ADAMTS17: variants seen among roughly 807,000 people sequenced by gnomAD.
ADAMTS17 encodes the protein A disintegrin and metalloproteinase with thrombospondin motifs 17.
In ADAMTS17, 113 loss-of-function variants were observed where a neutral mutation model predicts 141.5. That is an observed-to-expected ratio of 0.80 (90% confidence interval 0.69 to 0.93). The LOEUF (loss-of-function observed/expected upper bound fraction) is 0.93. ADAMTS17 is among the 40% of genes least tolerant of loss of function. The pLI, the probability that ADAMTS17 is intolerant of heterozygous loss-of-function variation, is 0.00. For missense variants in ADAMTS17, 1,659 were observed against 1,517.9 expected, an observed-to-expected ratio of 1.09 and a Z score of -1.54; for synonymous variants, 768 against 630.6, an observed-to-expected ratio of 1.22 and a Z score of -3.27.
intron 18 of ADAMTS17, among the ~76,000 whole-genome samples, chr15:100,001,122 G>A (rs183503679): frequency 9.9e-5 from 15 of 152,260 alleles, no homozygotes; most frequent in African/African-American, 3.6e-4. Flanking sequence ...CTGAGCATCA[G>A]CCAGGTTCAC....
intron 7 of ADAMTS17, among the ~76,000 whole-genome samples, chr15:100,207,523 C>T (rs1010997455): frequency 1.3e-5 from 2 of 152,196 alleles, no homozygotes; most frequent in African/African-American, 4.8e-5. Flanking sequence ...AGCACTGCAG[C>T]CACCTAATGC....
intron 13 of ADAMTS17, among the ~76,000 whole-genome samples, chr15:100,113,142 A>T (rs115745426): frequency 2.3e-3 from 350 of 152,250 alleles, no homozygotes; most frequent in African/African-American, 8.0e-3. Flanking sequence ...GGATTTTACC[A>T]GCAGTGAGCA....
At chr15:100,139,138 C>T (rs546265513) in intron 10 of ADAMTS17, among the ~76,000 whole-genome samples, 3 of 151,974 alleles carry the variant, frequency 2.0e-5, no homozygotes, top group African/African-American at 7.2e-5. Flanking sequence ...TGGGGGGAAA[C>T]TAGATGAACC....
At chr15:99,995,261 T>C (rs2060776334) in intron 19 of ADAMTS17, among the ~76,000 whole-genome samples, 1 of 152,220 alleles carries the variant, frequency 6.6e-6, no homozygotes, top group African/African-American at 2.4e-5. Flanking sequence ...TCCACACAAC[T>C]TGCTCCTCTG....
rs1200188475 is a variant in ADAMTS17, at chr15:100,308,852, G to A, written c.616+22037C>T. On this transcript the variant is annotated intron_variant, in intron 3 of 21. Coordinates refer to ENST00000268070, the MANE Select transcript of ADAMTS17 (RefSeq NM_139057.4). ...ACAACTGGGCATATCTTGGGGTTTCGTGCCCTGGTCAGATGAGGTGAGAAA... is the reference window on the plus strand; with the variant it reads ...ACAACTGGGCATATCTTGGGGTTTCATGCCCTGGTCAGATGAGGTGAGAAA... 2.6e-5 allele frequency among the ~76,000 whole-genome samples: 4 copies of A among 152,112 alleles called. No individual in the cohort carries two copies. In the South Asian group the frequency reaches 6.2e-4, roughly 24 times the overall value.
At chr15:100,162,169 C>T (rs1181205856) in intron 8 of ADAMTS17, among the ~76,000 whole-genome samples, 1 of 152,048 alleles carries the variant, frequency 6.6e-6, no homozygotes, top group Non-Finnish European at 1.5e-5. Flanking sequence ...CACACAGCCT[C>T]TCTAAGCTAA....
At chr15:100,224,331 G>A (rs998871418) in intron 7 of ADAMTS17, among the ~76,000 whole-genome samples, 3 of 152,148 alleles carry the variant, frequency 2.0e-5, no homozygotes, top group African/African-American at 7.2e-5. Context: ...GGGGGGTACA[G>A]ATATACCAGG....
chr15:100,233,098 G>C (rs1397986243), intron 7 of ADAMTS17, among the ~76,000 whole-genome samples: 2 of 152,204 alleles, frequency 1.3e-5, no homozygotes, highest in African/African-American at 4.8e-5. Flanking sequence ...GGAGGCTAAG[G>C]ATGGTGGATC....
Position 100,276,579 on chromosome 15 carries a change from A to G in ADAMTS17, c.789+4650T>C, listed in dbSNP as rs144482058. Among the ~76,000 whole-genome samples, 253 of 151,856 alleles carry G rather than the reference A, an allele frequency of 1.7e-3. 2 individuals are homozygous for G. Among genetic ancestry groups the G allele is most frequent in the African/African-American group, 5.9e-3 (243 of 41,326 alleles). ...AATCATGCTATTTCCCACAACTCGG[A>G]GAGAAATGTGTTGGAATGAAGGTGG... is the stretch of plus-strand genomic sequence containing the variant. On this transcript the variant is annotated intron_variant, in intron 4 of 21. Transcript: ENST00000268070.
At chr15:99,988,922 G>T (rs2060641486) in intron 20 of ADAMTS17, among the ~76,000 whole-genome samples, 1 of 152,166 alleles carries the variant, frequency 6.6e-6, no homozygotes, top group Non-Finnish European at 1.5e-5. Context: ...TCATGTTTTG[G>T]TTGTTTTGCA....
intron 21 of ADAMTS17, among the ~76,000 whole-genome samples, chr15:99,975,673 T>C (rs2060307471): frequency 6.6e-6 from 1 of 152,184 alleles, no homozygotes; most frequent in Non-Finnish European, 1.5e-5. Flanking sequence ...GTGTGCCCCA[T>C]GTGTGCATCC....
chr15:100,265,787 G>A (rs1160434787), intron 4 of ADAMTS17, among the ~76,000 whole-genome samples: 2 of 152,236 alleles, frequency 1.3e-5, no homozygotes, highest in East Asian at 3.8e-4. Context: ...GCTATGCTCT[G>A]TAGCACAGTG....
intron 3 of ADAMTS17, 65 bp from the exon 4 acceptor site, chr15:100,281,466 C>T: frequency 1.9e-6 from 3 of 1,560,078 alleles, no homozygotes; most frequent in Non-Finnish European, 2.6e-6. Context: ...ATGCAGTGAA[C>T]AGGCCTTCTG....
intron 7 of ADAMTS17, among the ~76,000 whole-genome samples, chr15:100,223,977 C>T (rs1219956935): frequency 6.6e-6 from 1 of 152,130 alleles, no homozygotes; most frequent in African/African-American, 2.4e-5. Context: ...AAGCATCCAG[C>T]ATGGGAGAAA....
At chr15:100,130,837 C>G (rs961659385) in intron 12 of ADAMTS17, among the ~76,000 whole-genome samples, 1 of 152,094 alleles carries the variant, frequency 6.6e-6, no homozygotes, top group African/African-American at 2.4e-5. Context: ...AAATGGGAAG[C>G]TTCATTTGAC....
chr15:100,225,945 C>A (rs1651318645), intron 7 of ADAMTS17, among the ~76,000 whole-genome samples: 1 of 144,974 alleles, frequency 6.9e-6, no homozygotes, highest in African/African-American at 2.5e-5. Context: ...CTGTGCCATT[C>A]AGTCCTTATA....
intron 7 of ADAMTS17, among the ~76,000 whole-genome samples, chr15:100,211,285 G>C (rs1256643768): frequency 1.1e-5 from 1 of 89,040 alleles, no homozygotes; most frequent in Non-Finnish European, 2.0e-5. Context: ...AATAGAGCAA[G>C]ACAACTTCAT....
At chr15:100,102,836 T>A (rs184217843) in intron 14 of ADAMTS17, among the ~76,000 whole-genome samples, 28 of 152,110 alleles carry the variant, frequency 1.8e-4, no homozygotes, top group Non-Finnish European at 3.5e-4. Context: ...AAGCTCTGAG[T>A]GTGGGATCAG....
intron 15 of ADAMTS17, among the ~76,000 whole-genome samples, chr15:100,076,603 T>A (rs1040140710): frequency 6.6e-6 from 1 of 152,170 alleles, no homozygotes; most frequent in Non-Finnish European, 1.5e-5. Flanking sequence ...TAGGGAGAAA[T>A]AGCACAGTGT....
Sources: allele counts gnomAD v4.1 joint callset (sites outside exome capture counted in the v4.1 genomes callset), GRCh38; gene constraint gnomAD v4.1.1; transcripts MANE v1.5; gene names NCBI Gene and HGNC (gene_info 2026-07-23, HGNC 2026-07-21).